RIN2: variants seen among roughly 807,000 people sequenced by gnomAD.
RIN2 encodes the protein Ras and Rab interactor 2.
Under a neutral mutation model 78.0 loss-of-function variants are expected in RIN2, and 36 were observed. The ratio of observed to expected loss-of-function variants is 0.46; its 90% CI spans 0.35 to 0.61. The LOEUF (loss-of-function observed/expected upper bound fraction) is 0.61, where lower values mean the gene tolerates loss of function less well. Among genes scored for constraint, RIN2 ranks in the 20% least tolerant of loss-of-function variants. The pLI is 0.00. For synonymous variants in RIN2, 466 were observed against 466.8 expected, an observed-to-expected ratio of 1.00 and a Z score of 0.02; for missense variants, 1,087 against 1,159.7, an observed-to-expected ratio of 0.94 and a Z score of 0.91.
chr20:19,962,043 G>A (rs1047565828), intron 6 of RIN2, among the ~76,000 whole-genome samples: 4 of 151,866 alleles, frequency 2.6e-5, no homozygotes, highest in African/African-American at 9.7e-5. Context: ...GCTCACACCT[G>A]TAATCCTAGC....
At chr20:19,936,166 G>A (rs1256428380) in intron 4 of RIN2, among the ~76,000 whole-genome samples, 1 of 152,178 alleles carries the variant, frequency 6.6e-6, no homozygotes, top group East Asian at 1.9e-4. Flanking sequence ...CGATGTCTCT[G>A]GGGGAACAGC....
intron 3 of RIN2, among the ~76,000 whole-genome samples, chr20:19,925,761 C>A (rs2040198244): frequency 1.3e-5 from 2 of 152,224 alleles, no homozygotes; most frequent in Admixed American, 1.3e-4. Flanking sequence ...AGCGTGGACA[C>A]TTTCACAGAT....
intron 2 of RIN2, among the ~76,000 whole-genome samples, chr20:19,856,661 T>C (rs1443691032): frequency 1.3e-5 from 2 of 151,896 alleles, no homozygotes; most frequent in Non-Finnish European, 2.9e-5. Context: ...AGAGAGATAT[T>C]GCCATGGTTT....
At chr20:19,786,029 C>T (rs1194472345) in intron 1 of RIN2, among the ~76,000 whole-genome samples, 1 of 152,114 alleles carries the variant, frequency 6.6e-6, no homozygotes, top group Non-Finnish European at 1.5e-5. Context: ...ATGGCTTCCC[C>T]CTCTGTGAGA....
intron 2 of RIN2, among the ~76,000 whole-genome samples, chr20:19,845,197 T>A (rs1440672151): frequency 6.6e-6 from 1 of 152,232 alleles, no homozygotes; most frequent in East Asian, 1.9e-4. Flanking sequence ...TAAACATACA[T>A]GTGCATGTGT....
chr20:19,946,042 C>A (rs1368765994), intron 4 of RIN2, among the ~76,000 whole-genome samples: 1 of 152,208 alleles, frequency 6.6e-6, no homozygotes, highest in Non-Finnish European at 1.5e-5. Flanking sequence ...TTTCTCCCTG[C>A]CCGCTAAGCT....
intron 2 of RIN2, among the ~76,000 whole-genome samples, chr20:19,852,992 T>C (rs1449502375): frequency 6.6e-6 from 1 of 151,556 alleles, no homozygotes; most frequent in Non-Finnish European, 1.5e-5. Context: ...CATTAACTCG[T>C]CATTTACATT....
intron 2 of RIN2, chr20:19,823,361 G>C: frequency 3.3e-6 from 2 of 609,316 alleles, no homozygotes; most frequent in Non-Finnish European, 5.8e-6. Flanking sequence ...GCAAGTGAGT[G>C]AATGGTGGTA....
rs149160109 is a variant in RIN2 at position 19,806,407 on chromosome 20, G to A, written c.-37+6660G>A. Among the ~76,000 whole-genome samples the A allele has an allele frequency of 2.6e-3, 391 of 152,222 alleles. 10 individuals carry two copies. The East Asian group carries it at 0.053, about 21-fold the overall frequency. On this transcript the variant is annotated intron_variant, in intron 2 of 12. Coordinates refer to ENST00000255006, the MANE Select transcript of RIN2 (RefSeq NM_018993.4). ...GTTGTTTCCTGACTTTTTAATGATC[G>A]CCATTCTAACTGGCGTGAGATGGAC...
chr20:19,939,059 T>G (rs1209235272), intron 4 of RIN2, among the ~76,000 whole-genome samples: 1 of 152,194 alleles, frequency 6.6e-6, no homozygotes, highest in Non-Finnish European at 1.5e-5. Flanking sequence ...TTATTTTTCT[T>G]TGAGACAGAA....
rs1184908359 is a variant in RIN2 at position 19,792,198 on chromosome 20, C to T, written c.-162-7424C>T. ...CAGCGGAAATTCCACTTCCAGCTGGCGTGGTTTGCCTTGGCTTTTTAGGGT... is the reference window on the plus strand; with the variant it reads ...CAGCGGAAATTCCACTTCCAGCTGGTGTGGTTTGCCTTGGCTTTTTAGGGT... On this transcript the variant is annotated intron_variant, in intron 1 of 12. Transcript: ENST00000255006. 3.3e-5 allele frequency among the ~76,000 whole-genome samples: 5 copies of T among 152,280 alleles called. No individual in the cohort carries two copies. The South Asian group carries it at 6.2e-4, about 19-fold the overall frequency.
chr20:19,775,150 C>T (rs1278113004), intron 1 of RIN2, among the ~76,000 whole-genome samples: 1 of 152,196 alleles, frequency 6.6e-6, no homozygotes, highest in Admixed American at 6.5e-5. Flanking sequence ...GAGCTTTGGG[C>T]TACAAATGCA....
At chr20:19,902,426 G>C (rs2123646509) in intron 3 of RIN2, among the ~76,000 whole-genome samples, 1 of 152,306 alleles carries the variant, frequency 6.6e-6, no homozygotes, top group South Asian at 2.1e-4. Context: ...CCTCACCGCT[G>C]TCCTTTGCTG....
At chr20:19,783,840 G>T (rs1387040997) in intron 1 of RIN2, among the ~76,000 whole-genome samples, 1 of 152,166 alleles carries the variant, frequency 6.6e-6, no homozygotes, top group Non-Finnish European at 1.5e-5. Context: ...GGCTACTGGG[G>T]TCTGGGAACT....
At chr20:19,944,310 C>T (rs1422507320) in intron 4 of RIN2, among the ~76,000 whole-genome samples, 1 of 152,152 alleles carries the variant, frequency 6.6e-6, no homozygotes, top group African/African-American at 2.4e-5. Flanking sequence ...CCTCTCTTCT[C>T]CCAACCCCGC....
intron 2 of RIN2, among the ~76,000 whole-genome samples, chr20:19,824,849 C>T (rs2036037530): frequency 6.6e-6 from 1 of 152,166 alleles, no homozygotes; most frequent in Admixed American, 6.5e-5. Flanking sequence ...CATTCGAAGG[C>T]CACCCTCTTA....
At chr20:19,849,951 G>A (rs1317222678) in intron 2 of RIN2, among the ~76,000 whole-genome samples, 1 of 152,088 alleles carries the variant, frequency 6.6e-6, no homozygotes, top group Non-Finnish European at 1.5e-5. Context: ...TACCCGAAAG[G>A]AACAAGTTCC....
At chr20:19,781,281 A>C (rs1003476158) in intron 1 of RIN2, among the ~76,000 whole-genome samples, 1 of 152,218 alleles carries the variant, frequency 6.6e-6, no homozygotes, top group Non-Finnish European at 1.5e-5. Flanking sequence ...ATGGATGCTC[A>C]GTGGGCAGTG....
intron 12 of RIN2, 135 bp downstream of exon 12, chr20:19,996,977 G>A (rs2042989264): frequency 2.3e-6 from 2 of 885,076 alleles, no homozygotes; most frequent in Middle Eastern, 7.2e-4. Context: ...ACCACCCTCT[G>A]GCCTTGTTAC....
Sources: gnomAD v4.1 joint callset for allele counts (sites outside exome capture counted in the v4.1 genomes callset) on GRCh38, gnomAD v4.1.1 for gene constraint, MANE v1.5 for transcripts, NCBI Gene and HGNC (gene_info 2026-07-23, HGNC 2026-07-21) for gene names.